The following IGF1R variants were observed in gnomAD, a reference collection of about 807,000 sequenced individuals.
The protein encoded by IGF1R is insulin-like growth factor 1 receptor.
In IGF1R, 44 loss-of-function variants were observed where a neutral mutation model predicts 144.6. The observed-to-expected ratio is 0.30, with a 90% CI of 0.24 to 0.39. The LOEUF (loss-of-function observed/expected upper bound fraction) is 0.39, where lower values mean the gene tolerates loss of function less well. IGF1R is among the 10% of genes least tolerant of loss of function. IGF1R has a pLI of 1.00. For synonymous variants in IGF1R, 795 were observed against 722.8 expected (o/e 1.10, Z -1.60); for missense variants, 1,355 against 1,833.7 (o/e 0.74, Z 4.77).
rs527629733 is a variant in IGF1R at position 98,961,409 on chromosome 15, A to G, written c.*3967A>G. The G allele has an allele frequency of 7.3e-5, 17 of 233,486 alleles. No individual in the cohort carries two copies. In the South Asian group the frequency reaches 3.1e-3, roughly 42 times the overall value. 14.5% of individuals were successfully genotyped at this position (233,486 alleles called of 1,614,324 possible). On this transcript the variant is annotated 3_prime_UTR_variant, in exon 21 of 21. Transcript: ENST00000650285. ...AATGCTTCAGAAACACCTCAATAAAAGAGAAAACTTGGCTTGTGTGATGGT... is the reference window on the plus strand; with the variant it reads ...AATGCTTCAGAAACACCTCAATAAAGGAGAAAACTTGGCTTGTGTGATGGT...
chr15:98,918,783 G>A (rs2015360685), intron 10 of IGF1R, among the ~76,000 whole-genome samples: 1 of 152,200 alleles, frequency 6.6e-6, no homozygotes, highest in Non-Finnish European at 1.5e-5. Flanking sequence ...GGAAGCTGAG[G>A]CAGGATAATC....
At chr15:98,791,031 T>C (rs908146316) in intron 2 of IGF1R, among the ~76,000 whole-genome samples, 4 of 152,236 alleles carry the variant, frequency 2.6e-5, no homozygotes, top group African/African-American at 7.2e-5. Flanking sequence ...CTTCATTAGA[T>C]TGAAGCTTGT....
intron 2 of IGF1R, among the ~76,000 whole-genome samples, chr15:98,795,362 A>G (rs2056215644): frequency 6.6e-6 from 1 of 152,220 alleles, no homozygotes. Context: ...TTAAAAATAC[A>G]CAAATGATTA....
intron 2 of IGF1R, among the ~76,000 whole-genome samples, chr15:98,764,311 A>AT (rs1250696140): frequency 3.9e-5 from 6 of 151,986 alleles, no homozygotes; most frequent in Non-Finnish European, 5.9e-5. Flanking sequence ...CTTTGGCAGG[A>AT]TTTTTTTTGT....
intron 13 of IGF1R, 60 bp downstream of exon 13, chr15:98,924,744 A>G (rs2015639861): frequency 2.8e-6 from 4 of 1,452,062 alleles, no homozygotes; most frequent in East Asian, 2.3e-5. Flanking sequence ...GTCCAGGATC[A>G]GGACAGCCCG....
rs55770488 is a variant in IGF1R, at chr15:98,707,692, C to T, written c.225C>T (p.Phe75=). 5,986 of 1,614,178 alleles carry T rather than the reference C, an allele frequency of 3.7e-3. 17 individuals are homozygous for T. The highest frequency in any genetic ancestry group is 4.5e-3 in the Non-Finnish European group (5,332 of 1,180,030). The change falls in exon 2 of 21, where the codon TTC becomes TTT. Residue 75 remains phenylalanine, a synonymous_variant. Transcript: ENST00000650285. The surrounding 1 kb of genome is among the most constrained non-coding windows in gnomAD (Gnocchi z 6.7). ...SKAEDYRSYR[F]PKLTVITEYL... ...CCGAGGACTACCGCAGCTACCGCTT[C>T]CCCAAGCTCACGGTCATTACCGAGT...
At chr15:98,902,345 C>T (rs1225981361) in intron 5 of IGF1R, among the ~76,000 whole-genome samples, 1 of 152,090 alleles carries the variant, frequency 6.6e-6, no homozygotes, top group Non-Finnish European at 1.5e-5. Flanking sequence ...AATATTTTCC[C>T]CTCACACTGC....
intron 7 of IGF1R, among the ~76,000 whole-genome samples, chr15:98,912,775 T>C (rs1334782239): frequency 6.6e-6 from 1 of 152,244 alleles, no homozygotes; most frequent in African/African-American, 2.4e-5. Flanking sequence ...AAAATAGTTT[T>C]TGCATATGTT....
chr15:98,683,938 C>G (rs1400165039), intron 1 of IGF1R, among the ~76,000 whole-genome samples: 1 of 152,170 alleles, frequency 6.6e-6, no homozygotes, highest in Non-Finnish European at 1.5e-5. Flanking sequence ...TCCTAATCAC[C>G]TGGCGGGCGT....
chr15:98,733,074 G>A (rs1393442553), intron 2 of IGF1R, among the ~76,000 whole-genome samples: 3 of 152,122 alleles, frequency 2.0e-5, no homozygotes, highest in Non-Finnish European at 4.4e-5. Context: ...AGATGTCTAC[G>A]TGTGGGTGAA....
intron 2 of IGF1R, among the ~76,000 whole-genome samples, chr15:98,860,859 T>G (rs1248473515): frequency 6.6e-6 from 1 of 152,224 alleles, no homozygotes; most frequent in African/African-American, 2.4e-5. Flanking sequence ...TTTCTAAGCT[T>G]GTTAGAGTTA....
At chr15:98,844,513 G>A (rs72752834) in intron 2 of IGF1R, among the ~76,000 whole-genome samples, 3,307 of 152,204 alleles carry the variant, frequency 0.022, 46 homozygotes, top group Non-Finnish European at 0.035. Flanking sequence ...CCTAATCTAG[G>A]AGGCATGTCT....
intron 2 of IGF1R, among the ~76,000 whole-genome samples, chr15:98,844,865 A>G (rs922095609): frequency 1.3e-5 from 2 of 152,330 alleles, no homozygotes; most frequent in African/African-American, 4.8e-5. Context: ...TCTAAATGCC[A>G]ATCTTTCCCT....
intron 2 of IGF1R, among the ~76,000 whole-genome samples, chr15:98,886,787 GA>G (rs1471474999): frequency 6.6e-6 from 1 of 152,100 alleles, no homozygotes; most frequent in Non-Finnish European, 1.5e-5. Flanking sequence ...ATTGAGATGA[GA>G]CAAAATTTAC....
chr15:98,742,451 G>T lies in IGF1R; in HGVS notation c.640+34344G>T, dbSNP rs181962574. Among the ~76,000 whole-genome samples, 160 of 152,256 alleles carry T rather than the reference G, an allele frequency of 1.1e-3. 1 individual carries two copies. The highest frequency in any genetic ancestry group is 3.1e-3 in the African/African-American group (130 of 41,558). The stretch of plus-strand genomic sequence containing the variant: ...GGGGGCAAGGTGGACGAGGGCTGGG[G>T]CTGCTCCTGGAGCATCTTTACGCGG... On this transcript the variant is annotated intron_variant, in intron 2 of 20. Transcript: ENST00000650285.
intron 20 of IGF1R, among the ~76,000 whole-genome samples, 170 bp from the exon 21 acceptor site, chr15:98,956,891 G>C (rs1209179726): frequency 3.9e-5 from 6 of 152,174 alleles, no homozygotes; most frequent in African/African-American, 7.2e-5. Flanking sequence ...GACTCTGAAG[G>C]CCACTTGGCC....
intron 1 of IGF1R, among the ~76,000 whole-genome samples, chr15:98,690,384 A>C (rs576549202): frequency 6.6e-6 from 1 of 152,298 alleles, no homozygotes; most frequent in East Asian, 1.9e-4. Context: ...CAATTAAAAC[A>C]GGAGGTAAGG....
intron 2 of IGF1R, among the ~76,000 whole-genome samples, chr15:98,886,376 G>A (rs146671035): frequency 1.5e-3 from 221 of 152,310 alleles, no homozygotes; most frequent in Non-Finnish European, 2.7e-3. Flanking sequence ...AATCCTTTTA[G>A]TGGTGGATGT....
At position 98,935,218 on chromosome 15, in the gene IGF1R, A is replaced by C. The variant is rs70958398; in HGVS notation, c.3187-98A>C. 7.9e-6 allele frequency: 8 copies of C among 1,006,442 alleles called. No homozygotes were observed. In the East Asian group the frequency reaches 1.8e-4, roughly 23 times the overall value. 62.3% of individuals were successfully genotyped at this position (1,006,442 alleles called of 1,614,324 possible). On this transcript the variant is annotated intron_variant, in intron 16 of 20. Coordinates refer to ENST00000650285, the MANE Select transcript of IGF1R (RefSeq NM_000875.5). This position sits in a 1 kb window ranked among gnomAD's most constrained non-coding sequence, Gnocchi z 4.2. ...CTGCTACCTTCAGACCCCTGTGCTCAGACCAGGCCGCAGCACCACAGAGAC... is the reference window on the plus strand; with the variant it reads ...CTGCTACCTTCAGACCCCTGTGCTCCGACCAGGCCGCAGCACCACAGAGAC...
Sources: gnomAD v4.1 joint callset for allele counts (sites outside exome capture counted in the v4.1 genomes callset) on GRCh38, gnomAD v4.1.1 for gene constraint, Gnocchi (gnomAD v3.1) non-coding constraint, MANE v1.5 for transcripts, NCBI Gene and HGNC (gene_info 2026-07-23, HGNC 2026-07-21) for gene names.